Variants in PLXNA4 observed in about 807,000 individuals in gnomAD.
PLXNA4 encodes the protein plexin A4, also known as plexin-A4.
A neutral mutation model predicts 191.8 loss-of-function variants in PLXNA4; 44 were observed. The ratio of observed to expected loss-of-function variants is 0.23; its 90% CI spans 0.18 to 0.29. PLXNA4 has a LOEUF of 0.29. Ranked by LOEUF, PLXNA4 falls within the 10% of genes least tolerant of loss-of-function variation. The pLI is 1.00. For synonymous variants in PLXNA4, 1,082 were observed against 1,009.5 expected, an observed-to-expected ratio of 1.07 and a Z score of -1.36; for missense variants, 1,800 against 2,488.8, an observed-to-expected ratio of 0.72 and a Z score of 5.89.
rs1799928987 is a variant in PLXNA4, at chr7:132,538,237, C to G, written c.-86-29458G>C. On this transcript the variant is annotated intron_variant, in intron 1 of 31. Coordinates refer to ENST00000321063, the MANE Select transcript of PLXNA4 (RefSeq NM_020911.2). ...GACATGTCAGTGTCCACACAGCAGC[C>G]CAGCAAGAGAGGAAAGGAGTCCTGG... Among the ~76,000 whole-genome samples the G allele has an allele frequency of 2.0e-5, 3 of 152,138 alleles. No individual in the cohort carries two copies. In the South Asian group the frequency reaches 6.2e-4, roughly 31 times the overall value.
intron 1 of PLXNA4, among the ~76,000 whole-genome samples, chr7:132,563,345 C>A (rs1228136199): frequency 9.1e-6 from 1 of 110,458 alleles, no homozygotes; most frequent in Non-Finnish European, 1.9e-5. Context: ...CCTTCTCCTC[C>A]TCTTTCTCCT....
chr7:132,644,904 C>G (rs75632089), intron 2 of PLXNA4, among the ~76,000 whole-genome samples: 17 of 152,296 alleles, frequency 1.1e-4, no homozygotes, highest in African/African-American at 3.4e-4. Flanking sequence ...AACTGCCAAC[C>G]CTGTGTGCCC....
intron 4 of PLXNA4, among the ~76,000 whole-genome samples, chr7:132,296,927 G>T (rs1188035071): frequency 6.6e-6 from 1 of 152,198 alleles, no homozygotes; most frequent in East Asian, 1.9e-4. Context: ...CCTCATCCAG[G>T]GCACAGTGGG....
rs201569436 is a variant in PLXNA4, at chr7:132,647,700, AAC to A, written c.-203+812_-203+813del. 2.7e-3 allele frequency among the ~76,000 whole-genome samples: 413 copies of A among 151,580 alleles called. 4 individuals are homozygous for A. The highest frequency in any genetic ancestry group is 8.8e-3 in the African/African-American group (365 of 41,354). On this transcript the variant is annotated intron_variant, in intron 1 of 4. Transcript: ENST00000378539. ...ACATATACTCACATACACACTCACAAACACACACAGTCACAATATACTCACAT... is the reference window on the plus strand; with the variant it reads ...ACATATACTCACATACACACTCACAAACACACAGTCACAATATACTCACAT...
intron 3 of PLXNA4, among the ~76,000 whole-genome samples, chr7:132,458,665 G>A (rs1418542108): frequency 2.6e-5 from 4 of 151,748 alleles, no homozygotes; most frequent in Admixed American, 6.6e-5. Flanking sequence ...CTGGTGGGAG[G>A]GAACAGAAGG....
At position 132,500,380 on chromosome 7, in the gene PLXNA4, T is replaced by C. The variant is rs549432495; in HGVS notation, c.1188+7126A>G. On this transcript the variant is annotated intron_variant, in intron 2 of 31. Coordinates refer to ENST00000321063, the MANE Select transcript of PLXNA4 (RefSeq NM_020911.2). The stretch of plus-strand genomic sequence containing the variant: ...ATCGCTTGAACCCGGGAAGCATGGG[T>C]TGCAGTGAGCCAAGATCGCGCCATT... 2.0e-5 allele frequency among the ~76,000 whole-genome samples: 3 copies of C among 151,778 alleles called. No homozygotes were observed. The East Asian group carries it at 5.8e-4, about 30-fold the overall frequency.
chr7:132,638,097 C>T (rs758393350), intron 2 of PLXNA4, among the ~76,000 whole-genome samples: 1 of 152,182 alleles, frequency 6.6e-6, no homozygotes, highest in Non-Finnish European at 1.5e-5. Flanking sequence ...TCATCCACCC[C>T]TAGGGTCTGT....
rs1317094938 is a variant in PLXNA4 at position 132,164,262 on chromosome 7, G to A, written c.4380C>T (p.Ser1460=). ...TCTGCTGCTTGATGGCACAGAACAG[G>A]GAGAAGAGGGGCTCCCCAGCACACT... ...LKECAGEPLF[S]LFCAIKQQME... Residue 1460 remains serine, a synonymous_variant, in exon 24 of 32, where the codon TCC becomes TCT. Coordinates refer to ENST00000321063, the MANE Select transcript of PLXNA4 (RefSeq NM_020911.2). 6.2e-7 allele frequency: 1 copy of A among 1,614,156 alleles called. No homozygotes were observed. The highest frequency in any genetic ancestry group is 8.5e-7 in the Non-Finnish European group (1 of 1,180,014).
intron 3 of PLXNA4, among the ~76,000 whole-genome samples, chr7:132,308,929 G>C (rs897996378): frequency 6.6e-6 from 1 of 151,924 alleles, no homozygotes; most frequent in African/African-American, 2.4e-5. Context: ...AAAGAGGCTA[G>C]AAGATGTGGC....
At chr7:132,430,952 G>A (rs1029765217) in intron 3 of PLXNA4, among the ~76,000 whole-genome samples, 1 of 152,194 alleles carries the variant, frequency 6.6e-6, no homozygotes, top group Non-Finnish European at 1.5e-5. Flanking sequence ...GCGGGAGGAG[G>A]TGGGACTTGT....
Position 132,403,554 on chromosome 7 carries a change from C to A in PLXNA4, c.1371+85738G>T, listed in dbSNP as rs139521302. On this transcript the variant is annotated intron_variant, in intron 3 of 31. Transcript: ENST00000321063. ...CATCTCCCTCTCACTTCTTACTGAT[C>A]GCGTTTGCTTGCTGTGTCAGCTGAA... 5.3e-5 allele frequency among the ~76,000 whole-genome samples: 8 copies of A among 152,306 alleles called. No individual in the cohort carries two copies. The East Asian group carries it at 1.5e-3, about 29-fold the overall frequency.
At chr7:132,559,097 C>A (rs900436496) in intron 1 of PLXNA4, among the ~76,000 whole-genome samples, 6 of 152,174 alleles carry the variant, frequency 3.9e-5, no homozygotes, top group South Asian at 2.1e-4. Context: ...TTGACCTCTG[C>A]CTCCTAGTAA....
chr7:132,520,367 G>A (rs1799124735), intron 1 of PLXNA4, among the ~76,000 whole-genome samples: 1 of 152,186 alleles, frequency 6.6e-6, no homozygotes. Context: ...AGCCTGACAA[G>A]CAAGTTGATC....
intron 2 of PLXNA4, among the ~76,000 whole-genome samples, chr7:132,617,368 G>A (rs1001131213): frequency 3.9e-5 from 6 of 152,126 alleles, no homozygotes; most frequent in Non-Finnish European, 8.8e-5. Context: ...CTTGCTCCAG[G>A]AACTGATGGG....
At chr7:132,331,569 T>C (rs962672032) in intron 3 of PLXNA4, among the ~76,000 whole-genome samples, 1 of 152,150 alleles carries the variant, frequency 6.6e-6, no homozygotes, top group Non-Finnish European at 1.5e-5. Flanking sequence ...TTATAGGGAG[T>C]GGTCAGGAGC....
At chr7:132,280,935 AATTT>A (rs957056776) in intron 4 of PLXNA4, among the ~76,000 whole-genome samples, 5 of 151,888 alleles carry the variant, frequency 3.3e-5, no homozygotes, top group Non-Finnish European at 7.4e-5. Flanking sequence ...ATTTATAAAA[AATTT>A]ATTAATAAAT....
At chr7:132,582,823 C>T (rs775518755) in intron 2 of PLXNA4, among the ~76,000 whole-genome samples, 7 of 152,160 alleles carry the variant, frequency 4.6e-5, no homozygotes, top group Non-Finnish European at 1.0e-4. Flanking sequence ...ACCTCATTAA[C>T]CTCTTAAGCT....
intron 2 of PLXNA4, among the ~76,000 whole-genome samples, chr7:132,591,268 G>A (rs534558190): frequency 1.3e-5 from 2 of 152,318 alleles, no homozygotes; most frequent in Non-Finnish European, 2.9e-5. Flanking sequence ...CGAATGCACT[G>A]TAATTGATTC....
intron 1 of PLXNA4, among the ~76,000 whole-genome samples, chr7:132,530,818 T>C (rs1005027893): frequency 1.8e-4 from 28 of 152,158 alleles, no homozygotes; most frequent in Non-Finnish European, 1.8e-4. Context: ...AGTTAAAAGA[T>C]AGAAACAACC....
Sources: gnomAD v4.1 joint callset for allele counts (sites outside exome capture counted in the v4.1 genomes callset) on GRCh38, gnomAD v4.1.1 for gene constraint, MANE v1.5 for transcripts, NCBI Gene and HGNC (gene_info 2026-07-23, HGNC 2026-07-21) for gene names.